The following FHIT variants were observed in gnomAD, a reference collection of about 807,000 sequenced individuals.
The protein encoded by FHIT is fragile histidine triad diadenosine triphosphatase.
A neutral mutation model predicts 17.9 loss-of-function variants in FHIT; 19 were observed. The ratio of observed to expected loss-of-function variants is 1.06; its 90% CI spans 0.74 to 1.56. The LOEUF is 1.56. Ranked by LOEUF, FHIT falls within the 40% of genes most tolerant of loss-of-function variation. The pLI is 0.00. For synonymous variants in FHIT, 81 were observed against 69.7 expected, an observed-to-expected ratio of 1.16 and a Z score of -0.81; for missense variants, 248 against 189.2, an observed-to-expected ratio of 1.31 and a Z score of -1.82.
rs1553712155 is a variant in FHIT at position 60,206,149 on chromosome 3, A to AATAATAATAATAATAATAAT, written c.104-191998_104-191997insATTATTATTATTATTATTAT. On this transcript the variant is annotated intron_variant, in intron 5 of 9. Coordinates refer to ENST00000492590, the MANE Select transcript of FHIT (RefSeq NM_002012.4). The stretch of plus-strand genomic sequence containing the variant: ...CTCCGTCTCAAAAAAAAAAAAAAAT[A>AATAATAATAATAATAATAAT]AATAATAATAATAATAATAATAATT... 5.0e-3 allele frequency among the ~76,000 whole-genome samples: 468 copies of AATAATAATAATAATAATAAT among 93,962 alleles called. 2 individuals carry two copies. Among genetic ancestry groups the AATAATAATAATAATAATAAT allele is most frequent in the Middle Eastern group, 0.015 (3 of 204 alleles). 61.6% of individuals were successfully genotyped at this position (93,962 alleles called of 152,430 possible). A position where few individuals can be genotyped will look rare whatever the true frequency, so the allele number is the denominator to read the frequency against.
chr3:59,840,405 A>AAAAG (rs547190224), intron 8 of FHIT, among the ~76,000 whole-genome samples: 1 of 151,234 alleles, frequency 6.6e-6, no homozygotes, highest in Non-Finnish European at 1.5e-5. Context: ...AAAAAAAAAA[A>AAAAG]AAAAGAAAGA....
intron 3 of FHIT, among the ~76,000 whole-genome samples, chr3:60,955,867 A>G (rs1256349800): frequency 6.6e-6 from 1 of 152,070 alleles, no homozygotes; most frequent in Admixed American, 6.6e-5. Context: ...TACTCCAAGC[A>G]TATTATTTTA....
chr3:59,930,906 G>A (rs1705938911), intron 7 of FHIT, among the ~76,000 whole-genome samples: 1 of 152,080 alleles, frequency 6.6e-6, no homozygotes, highest in African/African-American at 2.4e-5. Context: ...CCAGATCTCA[G>A]AAAGGTAGAA....
In FHIT at chr3:60,072,370, T is replaced by G. The variant is rs541143826; in HGVS notation, c.104-58218A>C. ...GTCCAGTTCGATGGCTGTCAACACCTTCTCTAAACCTTGTGGCCCATACCA... is the reference window on the plus strand; with the variant it reads ...GTCCAGTTCGATGGCTGTCAACACCGTCTCTAAACCTTGTGGCCCATACCA... On this transcript the variant is annotated intron_variant, in intron 5 of 9. Transcript: ENST00000492590. 1.1e-4 allele frequency among the ~76,000 whole-genome samples: 16 copies of G among 152,254 alleles called. No homozygotes were observed. In the South Asian group the frequency reaches 3.3e-3, roughly 32 times the overall value.
chr3:60,630,576 T>G (rs782716499), intron 4 of FHIT, among the ~76,000 whole-genome samples: 6 of 152,216 alleles, frequency 3.9e-5, no homozygotes, highest in Non-Finnish European at 8.8e-5. Context: ...AATTGTGTTC[T>G]AGATGCAAGA....
chr3:60,358,542 T>G (rs964516989), intron 5 of FHIT, among the ~76,000 whole-genome samples: 5 of 152,218 alleles, frequency 3.3e-5, no homozygotes, highest in African/African-American at 1.2e-4. Context: ...AATATTACTG[T>G]GAGCCTAGGT....
intron 5 of FHIT, among the ~76,000 whole-genome samples, chr3:60,117,557 T>G (rs1396720143): frequency 6.6e-6 from 1 of 151,414 alleles, no homozygotes; most frequent in Non-Finnish European, 1.5e-5. Context: ...ATTTTTTATG[T>G]TCTTAAGAAT....
intron 8 of FHIT, among the ~76,000 whole-genome samples, chr3:59,790,590 T>C (rs926217424): frequency 2.0e-5 from 3 of 152,174 alleles, no homozygotes; most frequent in Admixed American, 6.5e-5. Flanking sequence ...TGATTGATTG[T>C]AGGAGGAGAA....
At chr3:60,743,575 C>T (rs2042281933) in intron 4 of FHIT, among the ~76,000 whole-genome samples, 1 of 152,202 alleles carries the variant, frequency 6.6e-6, no homozygotes, top group African/African-American at 2.4e-5. Flanking sequence ...CACCACAGTC[C>T]AGATTTCTGG....
At chr3:61,122,143 G>T (rs1463709760) in intron 2 of FHIT, among the ~76,000 whole-genome samples, 5 of 152,084 alleles carry the variant, frequency 3.3e-5, no homozygotes, top group African/African-American at 1.2e-4. Context: ...CATGGTACTG[G>T]TACCAAAACA....
intron 3 of FHIT, among the ~76,000 whole-genome samples, chr3:60,884,588 T>G (rs781970102): frequency 4.6e-5 from 7 of 152,160 alleles, no homozygotes; most frequent in Non-Finnish European, 1.0e-4. Context: ...AAATCCTATT[T>G]GCAGCAACAT....
intron 4 of FHIT, among the ~76,000 whole-genome samples, chr3:60,622,620 G>A (rs1363325865): frequency 6.6e-6 from 1 of 152,106 alleles, no homozygotes; most frequent in Admixed American, 6.5e-5. Flanking sequence ...CTTCAGCCTG[G>A]GCTGATTGGA....
chr3:60,922,481 G>A (rs755565202), intron 3 of FHIT, among the ~76,000 whole-genome samples: 3 of 152,146 alleles, frequency 2.0e-5, no homozygotes, highest in African/African-American at 7.2e-5. Context: ...ACTCTTTTGG[G>A]TAAAGATATA....
At chr3:60,257,436 G>T (rs539594878) in intron 5 of FHIT, among the ~76,000 whole-genome samples, 1 of 152,272 alleles carries the variant, frequency 6.6e-6, no homozygotes, top group Non-Finnish European at 1.5e-5. Flanking sequence ...AACTCCGTGG[G>T]TGCCACACAT....
chr3:60,096,070 A>C (rs540251581), intron 5 of FHIT, among the ~76,000 whole-genome samples: 1 of 152,218 alleles, frequency 6.6e-6, no homozygotes, highest in African/African-American at 2.4e-5. Context: ...ACCTCTGGCC[A>C]GTGACACCCT....
chr3:59,797,184 T>C (rs892285113), intron 8 of FHIT, among the ~76,000 whole-genome samples: 2 of 149,464 alleles, frequency 1.3e-5, no homozygotes, highest in Non-Finnish European at 2.9e-5. Context: ...TATTTTGATA[T>C]TACAATTTTT....
chr3:60,750,046 T>A (rs1280934661), intron 4 of FHIT, among the ~76,000 whole-genome samples: 1 of 152,136 alleles, frequency 6.6e-6, no homozygotes, highest in African/African-American at 2.4e-5. Flanking sequence ...GTCAAAGCCA[T>A]ATAACTAGTA....
intron 8 of FHIT, among the ~76,000 whole-genome samples, chr3:59,870,096 C>T (rs1047348709): frequency 1.3e-5 from 2 of 152,278 alleles, no homozygotes; most frequent in South Asian, 2.1e-4. Flanking sequence ...CAAGGTCATA[C>T]AGCTGAGAAG....
chr3:60,062,603 G>A (rs972696733), intron 5 of FHIT, among the ~76,000 whole-genome samples: 3 of 152,172 alleles, frequency 2.0e-5, no homozygotes, highest in African/African-American at 4.8e-5. Context: ...CTACTGAAGT[G>A]CTGGATTTAT....
Sources: gnomAD v4.1 joint callset for allele counts (sites outside exome capture counted in the v4.1 genomes callset) on GRCh38, gnomAD v4.1.1 for gene constraint, MANE v1.5 for transcripts, NCBI Gene and HGNC (gene_info 2026-07-23, HGNC 2026-07-21) for gene names.